MAST4: variants seen among roughly 807,000 people sequenced by gnomAD.
MAST4 encodes microtubule associated serine/threonine kinase family member 4.
In MAST4, 89 loss-of-function variants were observed where a neutral mutation model predicts 162.7. The observed-to-expected ratio is 0.55, with a 90% CI of 0.46 to 0.65. The LOEUF is 0.65. Ranked by LOEUF, MAST4 falls within the 30% of genes least tolerant of loss-of-function variation. The pLI is 0.00. For missense variants in MAST4, 3,153 were observed against 3,374.0 expected, an observed-to-expected ratio of 0.93 and a Z score of 1.62; for synonymous variants, 1,479 against 1,361.1, an observed-to-expected ratio of 1.09 and a Z score of -1.91.
chr5:67,133,371 A>G, intron 16 of MAST4, 143 bp from the exon 17 acceptor site: 11 of 843,552 alleles, frequency 1.3e-5, no homozygotes, highest in East Asian at 5.0e-5. Context: ...ATGTGACTCC[A>G]TCTCTTTCCA....
chr5:66,879,329 A>G (rs867969705), intron 3 of MAST4, among the ~76,000 whole-genome samples: 39 of 139,358 alleles, frequency 2.8e-4, no homozygotes, highest in African/African-American at 9.3e-4. Flanking sequence ...TATATATTTT[A>G]TGTGTTTAAA....
chr5:66,687,903 A>G (rs1414473518), intron 1 of MAST4, among the ~76,000 whole-genome samples: 3 of 152,202 alleles, frequency 2.0e-5, no homozygotes, highest in Non-Finnish European at 2.9e-5. Flanking sequence ...GTTAAGTTCA[A>G]CTGATGTTTT....
intron 10 of MAST4, among the ~76,000 whole-genome samples, chr5:67,109,448 C>G (rs1765967792): frequency 6.6e-6 from 1 of 151,832 alleles, no homozygotes; most frequent in South Asian, 2.1e-4. Context: ...ACTTCGATCC[C>G]CTCCTCAAGA....
intron 2 of MAST4, among the ~76,000 whole-genome samples, chr5:66,785,211 A>G (rs1032996898): frequency 6.6e-6 from 1 of 152,228 alleles, no homozygotes; most frequent in African/African-American, 2.4e-5. Context: ...AGCCTGAGTG[A>G]CAGAGTGAGA....
chr5:66,706,932 G>C (rs1750169606), intron 1 of MAST4, among the ~76,000 whole-genome samples: 1 of 152,174 alleles, frequency 6.6e-6, no homozygotes, highest in Non-Finnish European at 1.5e-5. Flanking sequence ...ATGTGTGTCA[G>C]ATTTGTAGTC....
intron 2 of MAST4, among the ~76,000 whole-genome samples, chr5:66,771,929 A>G (rs567393155): frequency 2.6e-4 from 39 of 152,240 alleles, no homozygotes; most frequent in African/African-American, 9.4e-4. Flanking sequence ...TGGCTTTCCT[A>G]TCCTTCATGC....
intron 1 of MAST4, among the ~76,000 whole-genome samples, chr5:66,713,731 G>A (rs768312757): frequency 3.3e-5 from 5 of 152,128 alleles, no homozygotes; most frequent in African/African-American, 7.2e-5. Flanking sequence ...TTAGTTGTCA[G>A]TATTTATCTC....
chr5:66,828,814 G>A (rs748722617), intron 3 of MAST4: 2 of 1,602,810 alleles, frequency 1.2e-6, no homozygotes, highest in Admixed American at 1.7e-5. Flanking sequence ...CTAGACTGTT[G>A]TGAGAGGCTC....
At chr5:66,900,592 A>G (rs533129445) in intron 4 of MAST4, among the ~76,000 whole-genome samples, 1 of 152,146 alleles carries the variant, frequency 6.6e-6, no homozygotes, top group Non-Finnish European at 1.5e-5. Flanking sequence ...AATTGAGGAC[A>G]GAATTAACTA....
At chr5:66,719,560 T>C (rs926750766) in intron 1 of MAST4, among the ~76,000 whole-genome samples, 1 of 152,216 alleles carries the variant, frequency 6.6e-6, no homozygotes, top group Admixed American at 6.5e-5. Context: ...TTTCAATTTA[T>C]ATTACTTTAA....
At chr5:66,883,043 T>A (rs971661027) in intron 3 of MAST4, among the ~76,000 whole-genome samples, 1 of 152,150 alleles carries the variant, frequency 6.6e-6, no homozygotes, top group Non-Finnish European at 1.5e-5. Flanking sequence ...AATCATAGTT[T>A]AAAAAATCAT....
intron 4 of MAST4, among the ~76,000 whole-genome samples, chr5:67,037,703 A>G (rs984422573): frequency 6.6e-6 from 1 of 152,182 alleles, no homozygotes; most frequent in Non-Finnish European, 1.5e-5. Context: ...TAGAAAACTA[A>G]TCAATGTTCT....
At chr5:66,914,368 G>A (rs1763967598) in intron 4 of MAST4, among the ~76,000 whole-genome samples, 1 of 152,192 alleles carries the variant, frequency 6.6e-6, no homozygotes, top group African/African-American at 2.4e-5. Flanking sequence ...GGAGGAATGA[G>A]TGATCATAAA....
chr5:66,775,031 G>A (rs895198597), intron 2 of MAST4, among the ~76,000 whole-genome samples: 1 of 137,348 alleles, frequency 7.3e-6, no homozygotes, highest in African/African-American at 2.7e-5. Context: ...GTGTGTGTGT[G>A]TGTGTATGTG....
intron 1 of MAST4, among the ~76,000 whole-genome samples, chr5:66,749,149 G>A (rs1752974401): frequency 6.6e-6 from 1 of 152,146 alleles, no homozygotes; most frequent in Admixed American, 6.5e-5. Flanking sequence ...TAGGGCGATA[G>A]TGACATTTAT....
chr5:67,093,103 A>G (rs1764044522), intron 6 of MAST4, among the ~76,000 whole-genome samples: 1 of 152,286 alleles, frequency 6.6e-6, no homozygotes, highest in South Asian at 2.1e-4. Context: ...GGAACTTTTC[A>G]TTCTTTCTTT....
chr5:66,780,517 G>A (rs966892678), intron 2 of MAST4, among the ~76,000 whole-genome samples: 5 of 152,156 alleles, frequency 3.3e-5, no homozygotes, highest in Non-Finnish European at 5.9e-5. Flanking sequence ...CCTTCGTGGC[G>A]AGTGTTACAG....
Position 67,168,799 on chromosome 5 carries a change from G to A in MAST4, c.*1748G>A, listed in dbSNP as rs971848038. On this transcript the variant is annotated 3_prime_UTR_variant, in exon 29 of 29. Coordinates refer to ENST00000403625, the MANE Select transcript of MAST4 (RefSeq NM_001164664.2). The stretch of plus-strand genomic sequence containing the variant: ...GGCCTTATGGATTGTAAATCTTCTA[G>A]TGAGGCTATAAACTCCACTCTGAAA... 6.6e-6 allele frequency: 1 copy of A among 152,042 alleles called. No homozygotes were observed. Among genetic ancestry groups the A allele is most frequent in the African/African-American group, 2.4e-5 (1 of 41,390 alleles). The allele number at this position is 152,042 out of a possible 1,614,324, so 9.4% of individuals were successfully genotyped here. A position where few individuals can be genotyped will look rare whatever the true frequency, so the allele number is the denominator to read the frequency against.
At chr5:67,025,296 G>A (rs967226706) in intron 4 of MAST4, among the ~76,000 whole-genome samples, 1 of 152,062 alleles carries the variant, frequency 6.6e-6, no homozygotes, top group Non-Finnish European at 1.5e-5. Flanking sequence ...AGTAACTACC[G>A]TAACTTTGAA....
Sources: gnomAD v4.1 joint callset for allele counts (sites outside exome capture counted in the v4.1 genomes callset) on GRCh38, gnomAD v4.1.1 for gene constraint, MANE v1.5 for transcripts, NCBI Gene and HGNC (gene_info 2026-07-23, HGNC 2026-07-21) for gene names.